Variants in ST18 observed in about 807,000 individuals in gnomAD.
ST18 encodes suppression of tumorigenicity 18 protein.
ST18 carries 50 observed loss-of-function variants against 110.0 expected under a neutral mutation model. That is an observed-to-expected ratio of 0.45 (90% CI 0.36 to 0.58). ST18 has a LOEUF of 0.58. ST18 is among the 20% of genes least tolerant of loss of function. ST18 has a pLI of 0.00. For missense variants in ST18, 1,306 were observed against 1,280.1 expected (o/e 1.02, Z -0.31); for synonymous variants, 461 against 452.4 (o/e 1.02, Z -0.24).
At chr8:52,209,101 A>G (rs1156391257) in intron 8 of ST18, among the ~76,000 whole-genome samples, 1 of 152,252 alleles carries the variant, frequency 6.6e-6, no homozygotes, top group East Asian at 1.9e-4. Flanking sequence ...AATAGAAAAC[A>G]TTATTATCTT....
intron 24 of ST18, among the ~76,000 whole-genome samples, chr8:52,116,832 C>T (rs886913486): frequency 2.0e-5 from 3 of 152,060 alleles, no homozygotes; most frequent in Non-Finnish European, 4.4e-5. Flanking sequence ...TCAAAATATC[C>T]AGGATGGGAC....
intron 3 of ST18, among the ~76,000 whole-genome samples, chr8:52,228,433 G>A (rs150682155): frequency 6.6e-6 from 1 of 152,254 alleles, no homozygotes; most frequent in East Asian, 1.9e-4. Context: ...TGACTGTTGT[G>A]CATCTACATT....
intron 10 of ST18, among the ~76,000 whole-genome samples, chr8:52,168,736 T>C (rs933784667): frequency 2.0e-5 from 3 of 152,168 alleles, no homozygotes; most frequent in South Asian, 4.1e-4. Context: ...CATTTCGTAA[T>C]AGACAAATTA....
chr8:52,333,150 CTCAAATA>C (rs61178673), intron 2 of ST18, among the ~76,000 whole-genome samples: 24,239 of 151,854 alleles, frequency 0.16, 2,245 homozygotes, highest in African/African-American at 0.27. Flanking sequence ...CATTGATGAG[CTCAAATA>C]TGTAAAGTGA....
At chr8:52,337,984 A>G (rs1812925746) in intron 2 of ST18, among the ~76,000 whole-genome samples, 1 of 152,262 alleles carries the variant, frequency 6.6e-6, no homozygotes, top group South Asian at 2.1e-4. Context: ...TGTCAGGATG[A>G]ATTAGATGGC....
At chr8:52,216,948 C>T (rs981509371) in intron 6 of ST18, among the ~76,000 whole-genome samples, 10 of 152,002 alleles carry the variant, frequency 6.6e-5, no homozygotes, top group South Asian at 2.1e-4. Context: ...CAAAGTCTTC[C>T]GGAATTAGAG....
chr8:52,162,487 T>C (rs1424497417), intron 13 of ST18, among the ~76,000 whole-genome samples: 3 of 152,192 alleles, frequency 2.0e-5, no homozygotes, highest in Non-Finnish European at 2.9e-5. Context: ...TCACCTTTTT[T>C]CCCTGCCTTC....
chr8:52,251,482 C>T (rs1323570282), intron 2 of ST18, among the ~76,000 whole-genome samples: 7 of 151,994 alleles, frequency 4.6e-5, no homozygotes, highest in Non-Finnish European at 8.8e-5. Flanking sequence ...AGATTAAAAA[C>T]TGAGATTTAC....
At chr8:52,218,022 A>AT (rs1179892656) in intron 5 of ST18, 121 bp from the exon 6 acceptor site, 7 of 152,230 alleles carry the variant, frequency 4.6e-5, no homozygotes, top group Non-Finnish European at 7.4e-5. Context: ...CTTAGATTTT[A>AT]TTTTTCACTT....
intron 2 of ST18, among the ~76,000 whole-genome samples, chr8:52,273,944 C>A (rs1432239330): frequency 6.6e-6 from 1 of 152,126 alleles, no homozygotes; most frequent in Non-Finnish European, 1.5e-5. Context: ...CATTTTATTC[C>A]ACAATGCTTC....
At chr8:52,188,065 A>G (rs188689747) in intron 8 of ST18, among the ~76,000 whole-genome samples, 113 of 152,358 alleles carry the variant, frequency 7.4e-4, no homozygotes, top group African/African-American at 2.5e-3. Flanking sequence ...ACATTTATTT[A>G]TCAATGTCGT....
chr8:52,131,844 C>G, intron 22 of ST18, 114 bp downstream of exon 22: 1 of 863,876 alleles, frequency 1.2e-6, no homozygotes, highest in East Asian at 2.6e-5. Flanking sequence ...GTTATGACAT[C>G]TCAACTGCTA....
chr8:52,400,440 T>G (rs1397597953), intron 2 of ST18, among the ~76,000 whole-genome samples: 1 of 152,126 alleles, frequency 6.6e-6, no homozygotes, highest in African/African-American at 2.4e-5. Flanking sequence ...TGATAGGTAT[T>G]GACTTAACTC....
At chr8:52,386,939 T>C (rs1837031505) in intron 2 of ST18, among the ~76,000 whole-genome samples, 1 of 152,190 alleles carries the variant, frequency 6.6e-6, no homozygotes, top group Non-Finnish European at 1.5e-5. Context: ...ATAATTAAAA[T>C]AACACTTTCT....
intron 2 of ST18, among the ~76,000 whole-genome samples, chr8:52,328,970 C>G (rs1807818260): frequency 6.6e-6 from 1 of 152,126 alleles, no homozygotes; most frequent in Non-Finnish European, 1.5e-5. Context: ...TAAAACGCAA[C>G]TTTCCCCAGC....
chr8:52,135,726 T>C (rs2051911714), intron 19 of ST18, among the ~76,000 whole-genome samples: 1 of 152,124 alleles, frequency 6.6e-6, no homozygotes, highest in South Asian at 2.1e-4. Context: ...ACTTAGTTTT[T>C]AAAATTTTTA....
At chr8:52,386,574 G>A (rs538157469) in intron 2 of ST18, among the ~76,000 whole-genome samples, 2 of 152,064 alleles carry the variant, frequency 1.3e-5, no homozygotes, top group African/African-American at 4.8e-5. Flanking sequence ...GTTTTATAAA[G>A]CAATGTTACT....
chr8:52,251,544 T>C (rs2094307853), intron 2 of ST18, among the ~76,000 whole-genome samples: 1 of 152,096 alleles, frequency 6.6e-6, no homozygotes, highest in Non-Finnish European at 1.5e-5. Flanking sequence ...GAATGATTGG[T>C]TATTGTCATA....
At chr8:52,307,096 A>G (rs919858603) in intron 2 of ST18, among the ~76,000 whole-genome samples, 39 of 152,170 alleles carry the variant, frequency 2.6e-4, no homozygotes, top group African/African-American at 8.9e-4. Flanking sequence ...AGGCAGGAAG[A>G]TCACTTGAGT....
Sources: gnomAD v4.1 joint callset for allele counts (sites outside exome capture counted in the v4.1 genomes callset) on GRCh38, gnomAD v4.1.1 for gene constraint, MANE v1.5 for transcripts, NCBI Gene and HGNC (gene_info 2026-07-23, HGNC 2026-07-21) for gene names.